The following ADAM10 variants were observed in gnomAD, a reference collection of about 807,000 sequenced individuals.
ADAM10 encodes the protein disintegrin and metalloproteinase domain-containing protein 10.
ADAM10 carries 17 observed loss-of-function variants against 90.1 expected under a neutral mutation model. The ratio of observed to expected loss-of-function variants is 0.19; its 90% CI spans 0.13 to 0.28. The LOEUF is 0.28. ADAM10 is among the 10% of genes least tolerant of loss of function. The pLI is 1.00. For missense variants in ADAM10, 610 were observed against 914.3 expected, an observed-to-expected ratio of 0.67 and a Z score of 4.29; for synonymous variants, 310 against 298.6, an observed-to-expected ratio of 1.04 and a Z score of -0.40.
chr15:58,649,225 T>C (rs1896626341), intron 5 of ADAM10, among the ~76,000 whole-genome samples: 2 of 152,168 alleles, frequency 1.3e-5, no homozygotes, highest in Non-Finnish European at 2.9e-5. Flanking sequence ...ATTTTACTAA[T>C]ACTTGACTTA....
At chr15:58,692,208 C>T (rs12437955) in intron 2 of ADAM10, 130,176 of 565,796 alleles carry the variant, frequency 0.23, 20,797 homozygotes, top group African/African-American at 0.57. Context: ...GAGGGATGAA[C>T]AGCAATGCCC....
intron 2 of ADAM10, among the ~76,000 whole-genome samples, chr15:58,705,626 G>C (rs563986390): frequency 6.6e-6 from 1 of 152,098 alleles, no homozygotes; most frequent in Non-Finnish European, 1.5e-5. Context: ...ACCACCTTTG[G>C]TGCAGAGCAA....
intron 2 of ADAM10, chr15:58,686,387 C>G (rs1355940389): frequency 2.1e-6 from 2 of 930,280 alleles, no homozygotes; most frequent in East Asian, 5.3e-5. Context: ...CAAGGCTGGG[C>G]CCTCGGAGCC....
At chr15:58,695,737 T>G (rs1274066649) in intron 2 of ADAM10, among the ~76,000 whole-genome samples, 1 of 152,088 alleles carries the variant, frequency 6.6e-6, no homozygotes, top group Non-Finnish European at 1.5e-5. Context: ...ATCCCAACAT[T>G]TTGGGAGGCT....
intron 7 of ADAM10, among the ~76,000 whole-genome samples, chr15:58,642,090 G>A (rs553171396): frequency 1.3e-5 from 2 of 152,322 alleles, no homozygotes; most frequent in Non-Finnish European, 2.9e-5. Flanking sequence ...GTCCATGCTT[G>A]AAGACATGCT....
intron 10 of ADAM10, among the ~76,000 whole-genome samples, chr15:58,624,576 G>A (rs913624523): frequency 4.6e-5 from 7 of 152,144 alleles, no homozygotes; most frequent in Non-Finnish European, 1.0e-4. Context: ...CTGTTGCCCA[G>A]GTTAAAGTGC....
rs990439771 is a variant in ADAM10, at chr15:58,712,103, G to T, written c.206+5474C>A. ...AATAACCTTTGTTAAATCTAAGACA[G>T]ATATTTATTCTTATTTTCACCTATA... On this transcript the variant is annotated intron_variant, in intron 2 of 15. Transcript: ENST00000260408. 6.6e-5 allele frequency among the ~76,000 whole-genome samples: 10 copies of T among 152,172 alleles called. No homozygotes were observed. In the East Asian group the frequency reaches 1.9e-3, roughly 29 times the overall value.
chr15:58,686,056 G>C (rs1435184902), intron 2 of ADAM10, among the ~76,000 whole-genome samples: 8 of 152,194 alleles, frequency 5.3e-5, no homozygotes, highest in African/African-American at 1.9e-4. Context: ...TATGATTTAA[G>C]AAAAAAGGAA....
At chr15:58,618,895 T>G (rs1259364865) in intron 11 of ADAM10, among the ~76,000 whole-genome samples, 12 of 152,196 alleles carry the variant, frequency 7.9e-5, no homozygotes, top group Admixed American at 7.9e-4. Flanking sequence ...CAGGAACCAT[T>G]AGTTTACTGC....
chr15:58,621,376 A>C, intron 11 of ADAM10, 95 bp downstream of exon 11: 1 of 1,489,882 alleles, frequency 6.7e-7, no homozygotes, highest in Non-Finnish European at 9.3e-7. Flanking sequence ...AAGTTTCAAA[A>C]CCATATGCAT....
chr15:58,630,845 T>C (rs1197181325), intron 9 of ADAM10, among the ~76,000 whole-genome samples: 1 of 152,192 alleles, frequency 6.6e-6, no homozygotes, highest in African/African-American at 2.4e-5. Context: ...TTATTAAGCA[T>C]TGTATAATTT....
chr15:58,709,211 CCTT>C, intron 2 of ADAM10, among the ~76,000 whole-genome samples: 1 of 152,116 alleles, frequency 6.6e-6, no homozygotes, highest in Admixed American at 6.5e-5. Context: ...GCCACAACAA[CCTT>C]ATAAGGAGCT....
intron 2 of ADAM10, among the ~76,000 whole-genome samples, chr15:58,688,964 CGA>C (rs1897694529): frequency 6.9e-6 from 1 of 145,060 alleles, no homozygotes; most frequent in East Asian, 2.0e-4. Context: ...AATAAAGAAG[CGA>C]GAGGAGACAG....
At chr15:58,692,476 T>C (rs762914913) in intron 2 of ADAM10, 6 of 520,554 alleles carry the variant, frequency 1.2e-5, no homozygotes, top group Admixed American at 6.6e-5. Flanking sequence ...CTTTTCTTTA[T>C]CATCTTTATC....
chr15:58,659,773 G>C (rs989388128), intron 5 of ADAM10, among the ~76,000 whole-genome samples: 29 of 152,094 alleles, frequency 1.9e-4, no homozygotes, highest in Non-Finnish European at 8.8e-5. Context: ...CTGTCGCCCA[G>C]GCTGGAGTGC....
chr15:58,730,000 AAAC>A (rs1899181937), intron 1 of ADAM10, among the ~76,000 whole-genome samples: 3 of 127,426 alleles, frequency 2.4e-5, no homozygotes, highest in African/African-American at 5.7e-5. Context: ...ACAAACAAAC[AAAC>A]AAAAAAAAAA....
chr15:58,706,483 A>G (rs1252104015), intron 2 of ADAM10, among the ~76,000 whole-genome samples: 3 of 152,226 alleles, frequency 2.0e-5, no homozygotes, highest in East Asian at 3.8e-4. Context: ...ATTTTTTAAG[A>G]TAAGTTGCCA....
At position 58,610,449 on chromosome 15, in the gene ADAM10, T is replaced by A. The variant is rs201808531; in HGVS notation, c.1873A>T (p.Thr625Ser). Residue 625 changes from threonine (T) to serine (S), a missense_variant, in exon 14 of 16, where the codon ACC becomes TCC. Around this residue, in one of 4 missense-constraint regions of ADAM10, gnomAD observed 150 missense variants for 268.5 expected, o/e 0.56. Coordinates refer to ENST00000260408, the MANE Select transcript of ADAM10 (RefSeq NM_001110.4). Reference protein sequence around the residue: ...WSRHFSGRTITLQPGSPCNDF... With the variant: ...WSRHFSGRTISLQPGSPCNDF... ...TTGCAAGGGGATCCAGGTTGCAGGG[T>A]GATGGTTCGACCACTGAAGTGCCTA... The A allele has an allele frequency of 6.2e-7, 1 of 1,614,158 alleles. No individual in the cohort carries two copies. The highest frequency in any genetic ancestry group is 8.5e-7 in the Non-Finnish European group (1 of 1,180,022).
intron 1 of ADAM10, among the ~76,000 whole-genome samples, chr15:58,725,646 C>T (rs1567013810): frequency 6.6e-6 from 1 of 151,818 alleles, no homozygotes; most frequent in East Asian, 1.9e-4. Flanking sequence ...TTAAAATCAT[C>T]TGTGGGTAGG....
Sources: allele counts gnomAD v4.1 joint callset (sites outside exome capture counted in the v4.1 genomes callset), GRCh38; gene constraint gnomAD v4.1.1; regional missense constraint gnomAD v4.1.1; transcripts MANE v1.5; gene names NCBI Gene and HGNC (gene_info 2026-07-23, HGNC 2026-07-21).